CCDC77: variants seen among roughly 807,000 people sequenced by gnomAD.
CCDC77 encodes the protein coiled-coil domain-containing protein 77.
Under a neutral mutation model 66.8 loss-of-function variants are expected in CCDC77, and 56 were observed. The ratio of observed to expected loss-of-function variants is 0.84; its 90% confidence interval spans 0.68 to 1.05. CCDC77 has a LOEUF of 1.05. Ranked by LOEUF, CCDC77 falls within the 50% of genes least tolerant of loss-of-function variation. The pLI is 0.00. For synonymous variants in CCDC77, 196 were observed against 195.2 expected, an observed-to-expected ratio of 1.00 and a Z score of -0.03; for missense variants, 570 against 576.8, an observed-to-expected ratio of 0.99 and a Z score of 0.12.
chr12:439,098 T>A (rs1945811716), intron 10 of CCDC77, among the ~76,000 whole-genome samples: 1 of 151,862 alleles, frequency 6.6e-6, no homozygotes, highest in African/African-American at 2.4e-5. Context: ...CAAAAAAACA[T>A]AAATATTTAT....
Position 411,798 on chromosome 12 carries a change from G to A in CCDC77, c.90G>A (p.Arg30=), listed in dbSNP as rs1245930499. Residue 30 remains arginine (R), a synonymous_variant, in exon 4 of 13, where the codon AGG becomes AGA. Coordinates refer to ENST00000239830, the MANE Select transcript of CCDC77 (RefSeq NM_032358.4). ...TTGCCGTCAGTGGTCCCACCAAGAG[G>A]AGGGGAATGGCAGATTCACTGGAGT... ...RGVAVSGPTK[R]RGMADSLEST... 6.2e-7 allele frequency: 1 copy of A among 1,614,114 alleles called. No homozygotes were observed. The highest frequency in any genetic ancestry group is 8.5e-7 in the Non-Finnish European group (1 of 1,180,022).
In CCDC77 at chr12:441,722, C is replaced by G. The variant is rs369009727; in HGVS notation, c.1321-52C>G. 25 of 1,577,250 alleles carry G rather than the reference C, an allele frequency of 1.6e-5. No individual in the cohort carries two copies. In the African/African-American group the frequency reaches 2.6e-4, roughly 16 times the overall value. Reference sequence around the variant, plus strand: ...GTGTCTTTTTGACTGATATCGCTCCCCTGGCATATGCCATCATCATTTCTT... The same window carrying G: ...GTGTCTTTTTGACTGATATCGCTCCGCTGGCATATGCCATCATCATTTCTT... On this transcript the variant is annotated intron_variant, in intron 12 of 12. Coordinates refer to ENST00000239830, the MANE Select transcript of CCDC77 (RefSeq NM_032358.4).
chr12:438,275 C>T, intron 9 of CCDC77, 60 bp from the exon 10 acceptor site: 2 of 1,146,202 alleles, frequency 1.7e-6, no homozygotes, highest in Non-Finnish European at 1.3e-6. Flanking sequence ...TGGAATAATC[C>T]TTGCTTTCAG....
intron 5 of CCDC77, among the ~76,000 whole-genome samples, chr12:425,398 G>A (rs1017372304): frequency 4.0e-5 from 6 of 151,812 alleles, no homozygotes; most frequent in South Asian, 2.1e-4. Flanking sequence ...GGTGCTTGCC[G>A]TAAACTCCAC....
chr12:428,461 A>G (rs2137597695), intron 5 of CCDC77, among the ~76,000 whole-genome samples: 1 of 149,136 alleles, frequency 6.7e-6, no homozygotes, highest in African/African-American at 2.5e-5. Context: ...CAGTGAGCCA[A>G]GACCGCACCA....
rs541741197 is a variant in CCDC77, at chr12:439,735, G to A, written c.1042-882G>A. On this transcript the variant is annotated intron_variant, in intron 10 of 12. Transcript: ENST00000239830. ...GCAGAGGTTGCAGTGAGCCGAGATC[G>A]CGCCACTGCACTCCAGCCCAGTGAC... 3.8e-3 allele frequency among the ~76,000 whole-genome samples: 583 copies of A among 151,630 alleles called. 1 individual carries two copies. The highest frequency in any genetic ancestry group is 6.4e-3 in the Non-Finnish European group (432 of 67,938).
chr12:396,506 A>T (rs1944830185), intron 1 of CCDC77, among the ~76,000 whole-genome samples: 1 of 152,252 alleles, frequency 6.6e-6, no homozygotes, highest in South Asian at 2.1e-4. Flanking sequence ...TGCATAGGTC[A>T]TATGCAAATA....
upstream of CCDC77, among the ~76,000 whole-genome samples, chr12:399,684 C>T (rs1944871931): frequency 2.0e-5 from 3 of 152,156 alleles, no homozygotes; most frequent in African/African-American, 4.8e-5. Context: ...ATAAAACATA[C>T]ATAAAACGGT....
chr12:438,331 C>T lies in CCDC77; in HGVS notation c.822-4C>T, dbSNP rs199838529. The T allele has an allele frequency of 6.2e-7, 1 of 1,603,764 alleles. No individual in the cohort carries two copies. Among genetic ancestry groups the T allele is most frequent in the Non-Finnish European group, 8.5e-7 (1 of 1,174,058 alleles). ...CATGTCTGCATTTATACTTTCTTTC[C>T]TAGTCTTCACCACACCCAAGAACTG... On this transcript the variant is annotated splice_polypyrimidine_tract_variant and splice_region_variant and intron_variant, in intron 9 of 12. Transcript: ENST00000239830.
At chr12:434,408 A>G (rs535685165) in intron 9 of CCDC77, among the ~76,000 whole-genome samples, 2 of 147,326 alleles carry the variant, frequency 1.4e-5, no homozygotes, top group Admixed American at 1.4e-4. Flanking sequence ...GCTGGAGTGC[A>G]GTGGCGTGAT....
chr12:403,707 G>A (rs1456190883), intron 1 of CCDC77, among the ~76,000 whole-genome samples: 3 of 152,190 alleles, frequency 2.0e-5, no homozygotes, highest in African/African-American at 4.8e-5. Flanking sequence ...GCCCAGGCTG[G>A]TCTCAAACTC....
At chr12:430,642 A>C in intron 6 of CCDC77, 22 bp from the exon 7 acceptor site, 2 of 1,587,784 alleles carry the variant, frequency 1.3e-6, no homozygotes, top group South Asian at 2.2e-5. Context: ...GGCTACTTCA[A>C]TACCAGTTTT....
At chr12:437,678 C>CCA (rs1201612072) in intron 9 of CCDC77, among the ~76,000 whole-genome samples, 1 of 151,530 alleles carries the variant, frequency 6.6e-6, no homozygotes, top group African/African-American at 2.4e-5. Flanking sequence ...GACCCCATCT[C>CCA]CACACACACA....
chr12:401,436 C>G (rs3803157), upstream of CCDC77: 432 of 152,368 alleles, frequency 2.8e-3, 13 homozygotes, highest in East Asian at 0.066. Context: ...TGCGTCGCCC[C>G]GCGCAGAGCT....
intron 9 of CCDC77, among the ~76,000 whole-genome samples, chr12:434,269 G>A (rs1481404569): frequency 3.3e-5 from 5 of 151,704 alleles, no homozygotes; most frequent in Non-Finnish European, 7.4e-5. Context: ...TTACCTGTCT[G>A]CAGTCTGACT....
At chr12:428,238 C>T (rs985852599) in intron 5 of CCDC77, among the ~76,000 whole-genome samples, 42 of 152,050 alleles carry the variant, frequency 2.8e-4, no homozygotes, top group Admixed American at 2.6e-3. Flanking sequence ...AGTGGCCGGG[C>T]GCAGTGGCTC....
chr12:392,954 T>C (rs1312872223), intron 1 of CCDC77, among the ~76,000 whole-genome samples: 1 of 151,982 alleles, frequency 6.6e-6, no homozygotes, highest in Non-Finnish European at 1.5e-5. Flanking sequence ...TTGGTTTACA[T>C]TTTTTGTACT....
At chr12:436,788 A>G in intron 9 of CCDC77, 1 of 983,328 alleles carries the variant, frequency 1.0e-6, no homozygotes, top group South Asian at 4.7e-5. Context: ...GGATCTTCCT[A>G]AGAAGGGCAT....
exon 1 of CCDC77, chr12:389,428 T>C (rs1944704184): frequency 4.1e-6 from 2 of 486,294 alleles, no homozygotes; most frequent in South Asian, 4.2e-5. Context: ...GTGTGGCTGT[T>C]TGTCTCCTTG....
Sources: allele counts gnomAD v4.1 joint callset (sites outside exome capture counted in the v4.1 genomes callset), GRCh38; gene constraint gnomAD v4.1.1; transcripts MANE v1.5; gene names NCBI Gene and HGNC (gene_info 2026-07-23, HGNC 2026-07-21).